The following OXR1 variants were observed in gnomAD, a reference collection of about 807,000 sequenced individuals.
OXR1 encodes oxidation resistance protein 1.
In OXR1, 41 loss-of-function variants were observed where a neutral mutation model predicts 104.6. The observed-to-expected ratio is 0.39, with a 90% CI of 0.31 to 0.51. The LOEUF (loss-of-function observed/expected upper bound fraction) is 0.51. OXR1 is among the 20% of genes least tolerant of loss of function. The pLI, the probability that OXR1 is intolerant of heterozygous loss-of-function variation, is 0.77. For missense variants in OXR1, 955 were observed against 1,031.9 expected, an observed-to-expected ratio of 0.93 and a Z score of 1.02; for synonymous variants, 348 against 348.4, an observed-to-expected ratio of 1.00 and a Z score of 0.01.
At chr8:106,478,155 T>C (rs1050919091) in intron 2 of OXR1, among the ~76,000 whole-genome samples, 1 of 151,956 alleles carries the variant, frequency 6.6e-6, no homozygotes, top group Non-Finnish European at 1.5e-5. Context: ...GACCTTGTTA[T>C]ATAAATAGTT....
At chr8:106,416,191 A>G (rs1378821177) in intron 2 of OXR1, among the ~76,000 whole-genome samples, 2 of 152,030 alleles carry the variant, frequency 1.3e-5, no homozygotes, top group East Asian at 3.9e-4. Flanking sequence ...AACAGGAGCT[A>G]TAGTTATAAC....
intron 2 of OXR1, among the ~76,000 whole-genome samples, chr8:106,360,661 A>G (rs1163797886): frequency 6.6e-6 from 1 of 152,172 alleles, no homozygotes; most frequent in Non-Finnish European, 1.5e-5. Flanking sequence ...TAAAGAAACT[A>G]AAGTATAATC....
intron 3 of OXR1, among the ~76,000 whole-genome samples, chr8:106,566,800 A>G (rs1333835249): frequency 6.6e-6 from 1 of 152,234 alleles, no homozygotes; most frequent in Non-Finnish European, 1.5e-5. Context: ...ATAAAAAACA[A>G]TGAGTTCATG....
At chr8:106,705,137 G>A (rs1326678652) in intron 8 of OXR1, among the ~76,000 whole-genome samples, 1 of 152,024 alleles carries the variant, frequency 6.6e-6, no homozygotes, top group Non-Finnish European at 1.5e-5. Context: ...TGTCACGTTT[G>A]TTATGTTTAT....
At chr8:106,577,551 G>C (rs1449062244) in intron 3 of OXR1, among the ~76,000 whole-genome samples, 1 of 151,744 alleles carries the variant, frequency 6.6e-6, no homozygotes, top group Non-Finnish European at 1.5e-5. Context: ...CACCACGCCC[G>C]GCTAATTTTT....
rs371106993 is a variant in OXR1, at chr8:106,706,614, G to A, written c.1093G>A (p.Ala365Thr). 6.8e-6 allele frequency: 11 copies of A among 1,612,976 alleles called. No individual in the cohort carries two copies. In the African/African-American group the frequency reaches 1.5e-4, roughly 22 times the overall value. Residue 365 changes from alanine (A) to threonine (T), a missense_variant, in exon 9 of 17, where the codon GCG becomes ACG. Around this residue, in one of 2 missense-constraint regions of OXR1, gnomAD observed 849 missense variants for 852.9 expected, o/e 1.00. Transcript: ENST00000517566. ...DELRQDKSSG[A>T]SSESVQTVNQ... Reference sequence around the variant, plus strand: ...ACTGCGACAAGATAAATCTTCTGGTGCGTCATCAGAATCTGTGCAAACTGT... The same window carrying A: ...ACTGCGACAAGATAAATCTTCTGGTACGTCATCAGAATCTGTGCAAACTGT...
intron 3 of OXR1, among the ~76,000 whole-genome samples, chr8:106,526,829 C>T (rs750047930): frequency 1.4e-4 from 21 of 152,308 alleles, no homozygotes; most frequent in Middle Eastern, 6.8e-3. Context: ...AGGCGTGAGC[C>T]ACCGCGCCAT....
chr8:106,571,030 G>A (rs1050838131), intron 3 of OXR1, among the ~76,000 whole-genome samples: 4 of 151,664 alleles, frequency 2.6e-5, no homozygotes, highest in East Asian at 1.9e-4. Context: ...TGAAGCACAC[G>A]GGACACATTG....
rs188838910 is a variant in OXR1, at chr8:106,439,494, T to A, written c.24-79449T>A. ...AACAGTTGTTTTAGTTTAAAATTTT[T>A]AAAATTTAGTTCAATTTGTGTTTTT... On this transcript the variant is annotated intron_variant, in intron 2 of 16. Coordinates refer to ENST00000517566, the MANE Select transcript of OXR1 (RefSeq NM_001198533.2). Among the ~76,000 whole-genome samples, 558 of 152,260 alleles carry A rather than the reference T, an allele frequency of 3.7e-3. 1 individual carries two copies. The highest frequency in any genetic ancestry group is 6.8e-3 in the Middle Eastern group (2 of 294).
chr8:106,556,742 C>T (rs916464905), intron 3 of OXR1, among the ~76,000 whole-genome samples: 5 of 152,180 alleles, frequency 3.3e-5, no homozygotes, highest in African/African-American at 9.6e-5. Flanking sequence ...GCAAGATGAC[C>T]AGCTAATGCC....
intron 3 of OXR1, among the ~76,000 whole-genome samples, chr8:106,602,441 G>A (rs888859936): frequency 2.0e-5 from 3 of 152,184 alleles, no homozygotes; most frequent in Non-Finnish European, 4.4e-5. Context: ...GGGCTAGCTA[G>A]CTGATAAATA....
intron 1 of OXR1, among the ~76,000 whole-genome samples, chr8:106,350,843 G>T (rs1815694128): frequency 6.6e-6 from 1 of 152,118 alleles, no homozygotes; most frequent in Non-Finnish European, 1.5e-5. Flanking sequence ...AGAATGTCAG[G>T]ATTATTTGAC....
chr8:106,542,744 AAG>A (rs1815054789), intron 3 of OXR1, among the ~76,000 whole-genome samples: 1 of 152,116 alleles, frequency 6.6e-6, no homozygotes, highest in Admixed American at 6.6e-5. Context: ...CGCTGCAAGA[AAG>A]TAAATTTCTC....
At chr8:106,601,274 A>G (rs1033010022) in intron 3 of OXR1, among the ~76,000 whole-genome samples, 2 of 152,208 alleles carry the variant, frequency 1.3e-5, no homozygotes, top group Non-Finnish European at 2.9e-5. Context: ...TATGGTAGCC[A>G]GAATTCTAAA....
intron 2 of OXR1, among the ~76,000 whole-genome samples, chr8:106,405,162 A>AGTGTG (rs765094364): frequency 2.1e-5 from 1 of 48,036 alleles, no homozygotes; most frequent in African/African-American, 8.0e-5. Context: ...ATATATATAT[A>AGTGTG]TATATATATA....
At chr8:106,586,335 G>A (rs1277227042) in intron 3 of OXR1, among the ~76,000 whole-genome samples, 1 of 152,106 alleles carries the variant, frequency 6.6e-6, no homozygotes, top group Non-Finnish European at 1.5e-5. Context: ...AAAAAAGAGA[G>A]AAGAAAAACA....
intron 3 of OXR1, among the ~76,000 whole-genome samples, chr8:106,593,921 G>A (rs1398146522): frequency 6.6e-6 from 1 of 152,178 alleles, no homozygotes; most frequent in Non-Finnish European, 1.5e-5. Flanking sequence ...AAGCCCCCCT[G>A]CACAGCCACC....
chr8:106,358,728 G>A (rs984518893), intron 1 of OXR1, among the ~76,000 whole-genome samples: 1 of 151,992 alleles, frequency 6.6e-6, no homozygotes, highest in African/African-American at 2.4e-5. Flanking sequence ...ATACATGTGT[G>A]GAGATGTTTG....
In OXR1 at chr8:106,303,743, A is replaced by T. The variant is rs1813360715; in HGVS notation, c.-139+33376A>T. 2.0e-5 allele frequency among the ~76,000 whole-genome samples: 3 copies of T among 152,316 alleles called. No homozygotes were observed. The South Asian group carries it at 6.2e-4, about 32-fold the overall frequency. ...TGTTTTAATTAAAATTTAACTAAAT[A>T]TTTTAAAATTGGTGTGGCTTCCTTT... On this transcript the variant is annotated intron_variant, in intron 1 of 16. Transcript: ENST00000517566.
Sources: allele counts gnomAD v4.1 joint callset (sites outside exome capture counted in the v4.1 genomes callset), GRCh38; gene constraint gnomAD v4.1.1; regional missense constraint gnomAD v4.1.1; transcripts MANE v1.5; gene names NCBI Gene and HGNC (gene_info 2026-07-23, HGNC 2026-07-21).